SLC13A5: variants seen among roughly 807,000 people sequenced by gnomAD.
The protein encoded by SLC13A5 is Na(+)/citrate cotransporter.
Under a neutral mutation model 56.5 loss-of-function variants are expected in SLC13A5, and 25 were observed. That is an observed-to-expected ratio of 0.44 (90% CI 0.32 to 0.62). SLC13A5 has a LOEUF of 0.62. SLC13A5 is among the 20% of genes least tolerant of loss of function. SLC13A5 has a pLI of 0.04. For synonymous variants in SLC13A5, 307 were observed against 301.5 expected, an observed-to-expected ratio of 1.02 and a Z score of -0.19; for missense variants, 649 against 737.8, an observed-to-expected ratio of 0.88 and a Z score of 1.39.
intron 5 of SLC13A5, among the ~76,000 whole-genome samples, chr17:6,702,420 C>G (rs1973737812): frequency 6.6e-6 from 1 of 152,174 alleles, no homozygotes; most frequent in Non-Finnish European, 1.5e-5. Flanking sequence ...CACCTGATAC[C>G]TCACAAGGGG....
intron 6 of SLC13A5, among the ~76,000 whole-genome samples, chr17:6,696,510 GC>G (rs1490073499): frequency 6.6e-6 from 1 of 152,086 alleles, no homozygotes; most frequent in East Asian, 1.9e-4. Context: ...AAGGAAGACA[GC>G]CCAGGATGGC....
chr17:6,700,176 T>C (rs1274584409), intron 6 of SLC13A5, among the ~76,000 whole-genome samples: 4 of 152,176 alleles, frequency 2.6e-5, no homozygotes, highest in Middle Eastern at 3.4e-3. Context: ...ACAGATAAAT[T>C]TGTGTGTTTT....
In SLC13A5 at chr17:6,703,117, C is replaced by T. The variant is rs766313348; in HGVS notation, c.569G>A (p.Gly190Asp). The part of the protein sequence containing the change: ...ELPGSQVIFE[G>D]PTLGQQEDQE... ...GTCTTCCTGCTGCCCCAGAGTGGGG[C>T]CTTCAAAAATCACTTGACTCCCTGT... Residue 190 changes from glycine (G) to aspartate (D), a missense_variant, in exon 5 of 12, where the codon GGC (glycine) becomes GAC (aspartate). By Grantham distance (94) the Gly-to-Asp change is moderately conservative. Coordinates refer to ENST00000433363, the MANE Select transcript of SLC13A5 (RefSeq NM_177550.5). 3.6e-5 allele frequency: 58 copies of T among 1,614,004 alleles called. No individual in the cohort carries two copies. The highest frequency in any genetic ancestry group is 4.8e-5 in the Non-Finnish European group (57 of 1,180,034).
intron 5 of SLC13A5, among the ~76,000 whole-genome samples, chr17:6,702,186 A>G (rs1442460635): frequency 6.6e-6 from 1 of 152,124 alleles, no homozygotes; most frequent in African/African-American, 2.4e-5. Context: ...TCCTGTCTGC[A>G]AAGGATGGCA....
In SLC13A5 at chr17:6,685,592, GATT is replaced by G; in HGVS notation, c.*612_*614del. 6.5e-6 allele frequency: 1 copy of G among 154,030 alleles called. No individual in the cohort carries two copies. Among genetic ancestry groups the G allele is most frequent in the Admixed American group, 6.4e-5 (1 of 15,698 alleles). The allele number at this position is 154,030 out of a possible 1,614,324, so 9.5% of individuals were successfully genotyped here. The stretch of plus-strand genomic sequence containing the variant: ...GTGTCGTCCTGAAGTTGGCAACTCA[GATT>G]CCTCATCCTTTGGTGGTGGCCACAG... On this transcript the variant is annotated 3_prime_UTR_variant, in exon 12 of 12. Coordinates refer to ENST00000433363, the MANE Select transcript of SLC13A5 (RefSeq NM_177550.5). The surrounding 1 kb of genome is among the most constrained non-coding windows in gnomAD (Gnocchi z 4.2).
chr17:6,693,786 G>A (rs1442497531), intron 8 of SLC13A5, among the ~76,000 whole-genome samples: 2 of 152,140 alleles, frequency 1.3e-5, no homozygotes, highest in African/African-American at 4.8e-5. Flanking sequence ...GCAAAGACTG[G>A]GAGGAAGAGA....
chr17:6,709,151 A>C (rs758923530), intron 1 of SLC13A5, among the ~76,000 whole-genome samples: 6 of 151,954 alleles, frequency 3.9e-5, no homozygotes, highest in Non-Finnish European at 5.9e-5. Flanking sequence ...TATTGAATGA[A>C]TCAACATTAT....
intron 7 of SLC13A5, 21 bp downstream of exon 7, chr17:6,695,705 T>G: frequency 6.2e-7 from 1 of 1,613,102 alleles, no homozygotes; most frequent in South Asian, 1.1e-5. Context: ...GCCAGCGATT[T>G]CTATTGAATC....
rs190276192 is a variant in SLC13A5, at chr17:6,696,822, G to A, written c.840-881C>T. Among the ~76,000 whole-genome samples the A allele has an allele frequency of 8.5e-3, 1,292 of 152,232 alleles. 7 individuals carry two copies. Among genetic ancestry groups the A allele is most frequent in the Non-Finnish European group, 0.011 (755 of 68,012 alleles). On this transcript the variant is annotated intron_variant, in intron 6 of 11. Transcript: ENST00000433363. Reference sequence around the variant, plus strand: ...AGCCCTCCCTCGTGAGAGCCCTTCCGGGGGCCATGAGACATAATCATAGGA... The same window carrying A: ...AGCCCTCCCTCGTGAGAGCCCTTCCAGGGGCCATGAGACATAATCATAGGA...
rs776226828 is a variant in SLC13A5 at position 6,706,655 on chromosome 17, C to T, written c.355G>A (p.Ala119Thr). The T allele has an allele frequency of 1.2e-6, 2 of 1,613,302 alleles. No individual in the cohort carries two copies. Among genetic ancestry groups the T allele is most frequent in the Non-Finnish European group, 1.7e-6 (2 of 1,179,714 alleles). The change falls in exon 3 of 12, where the codon GCC becomes ACC. Residue 119 changes from alanine to threonine, a missense_variant. By Grantham distance (58) the Ala-to-Thr change is moderately conservative. Transcript: ENST00000433363. Reference sequence around the variant, plus strand: ...AGGCGTAATTACCGTGCAGGCTTGGCCCCCACCCAGAGGAGCGTGCGCAGG... The same window carrying T: ...AGGCGTAATTACCGTGCAGGCTTGGTCCCCACCCAGAGGAGCGTGCGCAGG... ...IALRTLLWVG[A>T]KPARLMLGFM...
In SLC13A5 at chr17:6,687,431, C is replaced by T; in HGVS notation, c.1575+98G>A. 1 of 1,538,846 alleles carries T rather than the reference C, an allele frequency of 6.5e-7. No individual in the cohort carries two copies. Among genetic ancestry groups the T allele is most frequent in the Non-Finnish European group, 8.9e-7 (1 of 1,123,948 alleles). On this transcript the variant is annotated intron_variant, in intron 11 of 11. Transcript: ENST00000433363. This position sits in a 1 kb window ranked among gnomAD's most constrained non-coding sequence, Gnocchi z 5.0. Reference sequence around the variant, plus strand: ...GATGTTCCGTGGCATTCCCAAGTCACATGACATCGTTTTGAAACTCTGTCA... The same window carrying T: ...GATGTTCCGTGGCATTCCCAAGTCATATGACATCGTTTTGAAACTCTGTCA...
rs1360880959 is a variant in SLC13A5 at position 6,686,078 on chromosome 17, G to A, written c.*129C>T. 2 of 1,376,762 alleles carry A rather than the reference G, an allele frequency of 1.5e-6. No individual in the cohort carries two copies. Among genetic ancestry groups the A allele is most frequent in the East Asian group, 2.3e-5 (1 of 43,224 alleles). 85.3% of individuals were successfully genotyped at this position (1,376,762 alleles called of 1,614,324 possible). A position where few individuals can be genotyped will look rare whatever the true frequency, so the allele number is the denominator to read the frequency against. ...GAGGAAGAGGTGGCCCATTGGCTGG[G>A]TTTTGGTGGTGTGTGGACATCGTTG... On this transcript the variant is annotated 3_prime_UTR_variant, in exon 12 of 12. Coordinates refer to ENST00000433363, the MANE Select transcript of SLC13A5 (RefSeq NM_177550.5).
Position 6,692,871 on chromosome 17 carries a change from T to A in SLC13A5, c.1275+173A>T, listed in dbSNP as rs1349644666. 2 of 611,070 alleles carry A rather than the reference T, an allele frequency of 3.3e-6. No individual in the cohort carries two copies. The highest frequency in any genetic ancestry group is 5.9e-6 in the Non-Finnish European group (2 of 341,008). The allele number at this position is 611,070 out of a possible 1,614,324, so 37.9% of individuals were successfully genotyped here. ...GTTACTTTCTGTCTTCCAGGCCCTG[T>A]GTGTGGTGTAGAGTTCCTAGATGAC... On this transcript the variant is annotated intron_variant, in intron 9 of 11. Coordinates refer to ENST00000433363, the MANE Select transcript of SLC13A5 (RefSeq NM_177550.5). This position sits in a 1 kb window ranked among gnomAD's most constrained non-coding sequence, Gnocchi z 5.5.
chr17:6,695,836 C>G lies in SLC13A5; in HGVS notation c.945G>C (p.Ala315=). 3 of 1,614,146 alleles carry G rather than the reference C, an allele frequency of 1.9e-6. 1 individual carries two copies. Among genetic ancestry groups the G allele is most frequent in the African/African-American group, 2.7e-5 (2 of 75,038 alleles). ...AGAAGCAGATCAGCACGTTGATCTC[C>G]GCGAAGGACAAGGGCCCCAGCTTCC... ...EYRKLGPLSF[A]EINVLICFFL... The change falls in exon 7 of 12, where the codon GCG becomes GCC. Residue 315 remains alanine (A), a synonymous_variant. Coordinates refer to ENST00000433363, the MANE Select transcript of SLC13A5 (RefSeq NM_177550.5).
At position 6,701,760 on chromosome 17, in the gene SLC13A5, C is replaced by A. The variant is rs1973720143; in HGVS notation, c.717-634G>T. Reference sequence around the variant, plus strand: ...TTTTATACACATGCATGTAATTTGGCTGACATCTTTGGGGATCTGCAGAGA... The same window carrying A: ...TTTTATACACATGCATGTAATTTGGATGACATCTTTGGGGATCTGCAGAGA... On this transcript the variant is annotated intron_variant, in intron 5 of 11. Coordinates refer to ENST00000433363, the MANE Select transcript of SLC13A5 (RefSeq NM_177550.5). The surrounding 1 kb of genome is among the most constrained non-coding windows in gnomAD (Gnocchi z 4.1). Among the ~76,000 whole-genome samples, 1 of 152,204 alleles carries A rather than the reference C, an allele frequency of 6.6e-6. No individual in the cohort carries two copies. Among genetic ancestry groups the A allele is most frequent in the South Asian group, 2.1e-4 (1 of 4,830 alleles).
intron 6 of SLC13A5, 97 bp downstream of exon 6, chr17:6,700,907 C>T (rs374104498): frequency 5.2e-6 from 8 of 1,553,114 alleles, no homozygotes; most frequent in African/African-American, 2.7e-5. Flanking sequence ...GGGCCAGACA[C>T]GAAGGACTTT....
At chr17:6,709,454 G>C (rs1373566324) in intron 1 of SLC13A5, among the ~76,000 whole-genome samples, 1 of 152,038 alleles carries the variant, frequency 6.6e-6, no homozygotes, top group African/African-American at 2.4e-5. Context: ...ATTTTTAGTA[G>C]AGAGGGGATT....
chr17:6,706,820 C>A (rs374168392), intron 2 of SLC13A5, 42 bp from the exon 3 acceptor site: 2 of 1,609,338 alleles, frequency 1.2e-6, no homozygotes, highest in African/African-American at 2.7e-5. Context: ...TGTCCCTTGC[C>A]ACACACTAGA....
chr17:6,709,769 CT>C (rs1973969904), intron 1 of SLC13A5, among the ~76,000 whole-genome samples: 1 of 152,116 alleles, frequency 6.6e-6, no homozygotes, highest in Non-Finnish European at 1.5e-5. Flanking sequence ...AAAAATAAAT[CT>C]TTTTTCAGCA....
Sources: allele counts gnomAD v4.1 joint callset (sites outside exome capture counted in the v4.1 genomes callset), GRCh38; gene constraint gnomAD v4.1.1; non-coding constraint Gnocchi (gnomAD v3.1); transcripts MANE v1.5; gene names NCBI Gene and HGNC (gene_info 2026-07-23, HGNC 2026-07-21).